UFM1: variants seen among roughly 807,000 people sequenced by gnomAD.
UFM1 encodes the protein ubiquitin-fold modifier 1.
In UFM1, 9 loss-of-function variants were observed where a neutral mutation model predicts 15.4. The observed-to-expected ratio is 0.59, with a 90% CI of 0.35 to 1.02. UFM1 has a LOEUF of 1.02. Ranked by LOEUF, UFM1 falls within the 50% of genes least tolerant of loss-of-function variation. The pLI is 0.02. For synonymous variants in UFM1, 27 were observed against 36.3 expected, an observed-to-expected ratio of 0.74 and a Z score of 0.92; for missense variants, 98 against 104.7, an observed-to-expected ratio of 0.94 and a Z score of 0.28.
chr13:38,354,403 A>G, intron 3 of UFM1, 107 bp downstream of exon 3: 1 of 890,404 alleles, frequency 1.1e-6, no homozygotes. Flanking sequence ...ATGTGGCTTC[A>G]TTACTAGGTT....
chr13:38,355,071 G>A (rs1879036699), intron 3 of UFM1, among the ~76,000 whole-genome samples: 1 of 151,932 alleles, frequency 6.6e-6, no homozygotes, highest in Non-Finnish European at 1.5e-5. Flanking sequence ...GTGCTAAACA[G>A]GTACGTTGTA....
At chr13:38,358,882 G>T (rs1415981959) in intron 4 of UFM1, among the ~76,000 whole-genome samples, 3 of 152,018 alleles carry the variant, frequency 2.0e-5, no homozygotes, top group African/African-American at 7.2e-5. Flanking sequence ...ACTTAGTAAC[G>T]TGTTGAACTA....
chr13:38,354,656 A>T (rs1333537066), intron 3 of UFM1: 1 of 165,494 alleles, frequency 6.0e-6, no homozygotes, highest in African/African-American at 2.4e-5. Flanking sequence ...CAAAATTGCA[A>T]TTTCATAGAA....
chr13:38,352,720 G>C (rs773026230), intron 2 of UFM1, among the ~76,000 whole-genome samples: 1 of 152,020 alleles, frequency 6.6e-6, no homozygotes, highest in Non-Finnish European at 1.5e-5. Flanking sequence ...TTTCATTTTT[G>C]ATTTGTTTTT....
chr13:38,359,480 G>A, intron 5 of UFM1, 147 bp downstream of exon 5: 1 of 753,780 alleles, frequency 1.3e-6, no homozygotes, highest in Non-Finnish European at 2.1e-6. Context: ...TTACCTGTGT[G>A]TCTGAGTAAT....
Position 38,360,735 on chromosome 13 carries a change from C to G in UFM1, c.215C>G (p.Ser72Ter). 2 of 1,608,180 alleles carry G rather than the reference C, an allele frequency of 1.2e-6. No homozygotes were observed. The change falls in exon 6 of 6, where the codon TCA becomes TGA. Residue 72 changes from serine to a stop codon, truncating the protein, a stop_gained. Coordinates refer to ENST00000239878, the MANE Select transcript of UFM1 (RefSeq NM_016617.4). LOFTEE classifies it high-confidence loss of function. ...TAGNVFLKHG[S>*]ELRIIPRDRV... Reference sequence around the variant, plus strand: ...GGAAATGTTTTTCTAAAACATGGTTCAGAACTGCGGATTATTCCTAGAGAT... The same window carrying G: ...GGAAATGTTTTTCTAAAACATGGTTGAGAACTGCGGATTATTCCTAGAGAT...
intron 2 of UFM1, among the ~76,000 whole-genome samples, chr13:38,350,997 G>A (rs570348758): frequency 6.6e-6 from 1 of 152,160 alleles, no homozygotes; most frequent in Non-Finnish European, 1.5e-5. Context: ...GCACTCTTAT[G>A]GATAAATACA....
rs201455962 is a variant in UFM1, at chr13:38,356,623, ACTATGTATATGTAATGATTATAG to A, written c.118-1469_118-1447del. On this transcript the variant is annotated intron_variant, in intron 3 of 5. Transcript: ENST00000239878. ...TAAAATAAGCTTTTAGTTTTTCTCA[ACTATGTATATGTAATGATTATAG>A]ATGCCTAGAGTAGTGTTTCCCAGAC... Among the ~76,000 whole-genome samples the A allele has an allele frequency of 1.1e-3, 171 of 150,764 alleles. 3 individuals carry two copies. In the East Asian group the frequency reaches 0.029, roughly 26 times the overall value.
At chr13:38,360,591 C>T (rs1879323586) in intron 5 of UFM1, 120 bp from the exon 6 acceptor site, 1 of 692,394 alleles carries the variant, frequency 1.4e-6, no homozygotes, top group Non-Finnish European at 2.3e-6. Flanking sequence ...TCTCATGATG[C>T]TTGAGCTTTT....
chr13:38,360,969 C>A lies in UFM1; in HGVS notation c.*191C>A. Reference sequence around the variant, plus strand: ...AAGAGGGAATGCGTATGAATTAAGGCTACTACTGTCACAGAAGATCATAGT... The same window carrying A: ...AAGAGGGAATGCGTATGAATTAAGGATACTACTGTCACAGAAGATCATAGT... On this transcript the variant is annotated 3_prime_UTR_variant, in exon 6 of 6. Coordinates refer to ENST00000239878, the MANE Select transcript of UFM1 (RefSeq NM_016617.4). 2.3e-6 allele frequency: 1 copy of A among 443,960 alleles called. No homozygotes were observed. The allele number at this position is 443,960 out of a possible 1,614,324, so 27.5% of individuals were successfully genotyped here.
intron 2 of UFM1, among the ~76,000 whole-genome samples, chr13:38,352,415 C>T (rs1313773163): frequency 6.6e-6 from 1 of 152,036 alleles, no homozygotes; most frequent in East Asian, 1.9e-4. Context: ...TTCTAATTGT[C>T]CACAGAGTTA....
intron 2 of UFM1, among the ~76,000 whole-genome samples, chr13:38,353,499 G>A (rs1033303591): frequency 2.0e-5 from 3 of 150,456 alleles, no homozygotes; most frequent in Non-Finnish European, 4.4e-5. Flanking sequence ...TTTTTTTATT[G>A]GAAAGTTCAT....
rs895046201 is a variant in UFM1, at chr13:38,361,077, AT to A, written c.*310del. ...AACTGTTAACTGGAAGCTTTTGATA[AT>A]TTTTTTTTTTAGAACAATTTGGAAC... On this transcript the variant is annotated 3_prime_UTR_variant, in exon 6 of 6. Transcript: ENST00000239878. 4,425 of 212,312 alleles carry A rather than the reference AT, an allele frequency of 0.021. 20 individuals are homozygous for A. The highest frequency in any genetic ancestry group is 0.034 in the African/African-American group (1,452 of 43,144). 13.2% of individuals were successfully genotyped at this position (212,312 alleles called of 1,614,324 possible). A position where few individuals can be genotyped will look rare whatever the true frequency, so the allele number is the denominator to read the frequency against.
chr13:38,359,868 T>C (rs1879291037), intron 5 of UFM1: 1 of 179,202 alleles, frequency 5.6e-6, no homozygotes, highest in African/African-American at 2.4e-5. Flanking sequence ...AAAAGAAGTC[T>C]AAAACTTTTT....
intron 4 of UFM1, among the ~76,000 whole-genome samples, chr13:38,358,944 C>T (rs905452940): frequency 1.3e-5 from 2 of 151,894 alleles, no homozygotes; most frequent in South Asian, 2.1e-4. Flanking sequence ...TAGAACAATA[C>T]GAAGATGATT....
intron 4 of UFM1, among the ~76,000 whole-genome samples, chr13:38,358,687 A>G (rs372564509): frequency 8.5e-5 from 13 of 152,076 alleles, no homozygotes; most frequent in East Asian, 5.8e-4. Context: ...CAAGTATACA[A>G]TGCAGTATTG....
rs956670163 is a variant in UFM1, at chr13:38,362,306, T to C, written c.*1528T>C. 3.9e-5 allele frequency: 6 copies of C among 152,268 alleles called. No homozygotes were observed. Among genetic ancestry groups the C allele is most frequent in the African/African-American group, 1.4e-4 (6 of 41,542 alleles). 9.4% of individuals were successfully genotyped at this position (152,268 alleles called of 1,614,324 possible). A position where few individuals can be genotyped will look rare whatever the true frequency, so the allele number is the denominator to read the frequency against. On this transcript the variant is annotated 3_prime_UTR_variant, in exon 6 of 6. Transcript: ENST00000239878. The stretch of plus-strand genomic sequence containing the variant: ...AAAAAAATAAGAAGATTCAACAGAA[T>C]CAGCATTTGAAGTGTACCATTGGTA...
Position 38,363,119 on chromosome 13 carries a change from A to G in UFM1, c.*2341A>G, listed in dbSNP as rs996694597. 7 of 152,240 alleles carry G rather than the reference A, an allele frequency of 4.6e-5. No homozygotes were observed. Among genetic ancestry groups the G allele is most frequent in the Non-Finnish European group, 8.8e-5 (6 of 68,038 alleles). 9.4% of individuals were successfully genotyped at this position (152,240 alleles called of 1,614,324 possible). On this transcript the variant is annotated 3_prime_UTR_variant, in exon 6 of 6. Transcript: ENST00000239878. ...GATGATTAATGACCATAAGTCAGAGAAATTAGTTTATAGTCATCTGCCACA... is the reference window on the plus strand; with the variant it reads ...GATGATTAATGACCATAAGTCAGAGGAATTAGTTTATAGTCATCTGCCACA...
rs1879521561 is a variant in UFM1 at position 38,363,598 on chromosome 13, A to C, written c.*2820A>C. 1 of 152,204 alleles carries C rather than the reference A, an allele frequency of 6.6e-6. No individual in the cohort carries two copies. The highest frequency in any genetic ancestry group is 1.5e-5 in the Non-Finnish European group (1 of 68,036). 9.4% of individuals were successfully genotyped at this position (152,204 alleles called of 1,614,324 possible). A position where few individuals can be genotyped will look rare whatever the true frequency, so the allele number is the denominator to read the frequency against. On this transcript the variant is annotated 3_prime_UTR_variant, in exon 6 of 6. Coordinates refer to ENST00000239878, the MANE Select transcript of UFM1 (RefSeq NM_016617.4). ...ATAACAGAGTCGCCTAGGAAATTAA[A>C]AATACAGATTTTTGGAAACCACTCC...
Sources: allele counts gnomAD v4.1 joint callset (sites outside exome capture counted in the v4.1 genomes callset), GRCh38; gene constraint gnomAD v4.1.1; transcripts MANE v1.5; gene names NCBI Gene and HGNC (gene_info 2026-07-23, HGNC 2026-07-21).